SDCCAG8: variants seen among roughly 807,000 people sequenced by gnomAD.
SDCCAG8 encodes the protein serologically defined colon cancer antigen 8.
Under a neutral mutation model 101.8 loss-of-function variants are expected in SDCCAG8, and 74 were observed. The observed-to-expected ratio is 0.73, with a 90% CI of 0.60 to 0.88. SDCCAG8 has a LOEUF of 0.88. SDCCAG8 is among the 40% of genes least tolerant of loss of function. The pLI is 0.00. For synonymous variants in SDCCAG8, 281 were observed against 292.9 expected (o/e 0.96, Z 0.41); for missense variants, 787 against 822.6 (o/e 0.96, Z 0.53).
Position 243,393,455 on chromosome 1 carries a change from A to G in SDCCAG8, c.1616+14592A>G, listed in dbSNP as rs189372894. Reference sequence around the variant, plus strand: ...GTGGTGTGCCCATTGGTCTGAGATAAGACCTTGCAATGTCTTTCCCATCTA... The same window carrying G: ...GTGGTGTGCCCATTGGTCTGAGATAGGACCTTGCAATGTCTTTCCCATCTA... On this transcript the variant is annotated intron_variant, in intron 13 of 17. Transcript: ENST00000366541. Among the ~76,000 whole-genome samples the G allele has an allele frequency of 1.4e-3, 212 of 150,862 alleles. 1 individual carries two copies. The highest frequency in any genetic ancestry group is 4.3e-3 in the Admixed American group (65 of 15,124).
intron 13 of SDCCAG8, among the ~76,000 whole-genome samples, chr1:243,385,111 G>A (rs1394280459): frequency 1.3e-5 from 2 of 151,818 alleles, no homozygotes; most frequent in African/African-American, 2.4e-5. Context: ...TGAGTAGATC[G>A]GGTGTGGTGG....
intron 16 of SDCCAG8, among the ~76,000 whole-genome samples, chr1:243,478,850 C>T (rs187923585): frequency 2.9e-4 from 43 of 150,108 alleles, no homozygotes; most frequent in Admixed American, 7.3e-4. Flanking sequence ...CCCAGCTACT[C>T]GGGAGGCTGA....
chr1:243,473,363 A>C (rs9428963), intron 16 of SDCCAG8, among the ~76,000 whole-genome samples: 7,797 of 151,686 alleles, frequency 0.051, 704 homozygotes, highest in African/African-American at 0.18. Context: ...CCCTCCCCCT[A>C]CCCCTTCTTG....
intron 12 of SDCCAG8, among the ~76,000 whole-genome samples, chr1:243,357,065 AC>A (rs1375687886): frequency 1.3e-5 from 2 of 152,186 alleles, no homozygotes; most frequent in Admixed American, 6.5e-5. Context: ...CTTCTTACCC[AC>A]ATAGCAATGG....
chr1:243,382,183 C>T (rs73118368), intron 13 of SDCCAG8, among the ~76,000 whole-genome samples: 8,645 of 152,176 alleles, frequency 0.057, 830 homozygotes, highest in African/African-American at 0.2. Context: ...TCCGGAGTTT[C>T]GCCCATTCTG....
intron 6 of SDCCAG8, among the ~76,000 whole-genome samples, chr1:243,297,100 C>T (rs981207486): frequency 1.3e-5 from 2 of 152,164 alleles, no homozygotes; most frequent in African/African-American, 4.8e-5. Flanking sequence ...TAAAGCTAAT[C>T]ATGATCCTGA....
intron 16 of SDCCAG8, among the ~76,000 whole-genome samples, chr1:243,451,442 C>T (rs1471695812): frequency 1.3e-5 from 2 of 152,192 alleles, no homozygotes; most frequent in African/African-American, 4.8e-5. Context: ...CTTTCCTTAA[C>T]CCTATAACTT....
chr1:243,447,073 G>A (rs2082963637), intron 16 of SDCCAG8, among the ~76,000 whole-genome samples: 3 of 151,868 alleles, frequency 2.0e-5, no homozygotes, highest in Middle Eastern at 3.4e-3. Context: ...CCAACATGGC[G>A]AACCCCTGTC....
chr1:243,391,619 T>C (rs555444384), intron 13 of SDCCAG8, among the ~76,000 whole-genome samples: 20 of 152,124 alleles, frequency 1.3e-4, no homozygotes, highest in Non-Finnish European at 2.1e-4. Flanking sequence ...GTTTTCAGAA[T>C]ATCAAAGGGA....
chr1:243,477,443 A>G (rs1437208224), intron 16 of SDCCAG8, among the ~76,000 whole-genome samples: 2 of 152,212 alleles, frequency 1.3e-5, no homozygotes, highest in Non-Finnish European at 2.9e-5. Flanking sequence ...AAAGTCTAAG[A>G]TTCATAACGT....
rs993045083 is a variant in SDCCAG8, at chr1:243,497,338, G to A, written c.2113-2418G>A. On this transcript the variant is annotated intron_variant, in intron 17 of 17. Coordinates refer to ENST00000366541, the MANE Select transcript of SDCCAG8 (RefSeq NM_006642.5). The stretch of plus-strand genomic sequence containing the variant: ...GTCAGGCACGGCTGTAGGCACGGGT[G>A]GGGGGGGGGGCGTTGAGCAGTGAAC... Among the ~76,000 whole-genome samples the A allele has an allele frequency of 5.0e-5, 4 of 79,952 alleles. 1 individual carries two copies. Among genetic ancestry groups the A allele is most frequent in the East Asian group, 3.0e-4 (1 of 3,280 alleles). The allele number at this position is 79,952 out of a possible 152,430, so 52.5% of individuals were successfully genotyped here. A position where few individuals can be genotyped will look rare whatever the true frequency, so the allele number is the denominator to read the frequency against.
intron 13 of SDCCAG8, among the ~76,000 whole-genome samples, chr1:243,405,394 A>G (rs1268931192): frequency 6.6e-6 from 1 of 152,234 alleles, no homozygotes; most frequent in South Asian, 2.1e-4. Flanking sequence ...ATAAAGAATT[A>G]TAAGAAGACC....
At chr1:243,324,985 C>T (rs1319238828) in intron 9 of SDCCAG8, among the ~76,000 whole-genome samples, 1 of 152,200 alleles carries the variant, frequency 6.6e-6, no homozygotes, top group Non-Finnish European at 1.5e-5. Flanking sequence ...ACTCAAGTGG[C>T]AGTCTTCCTG....
chr1:243,403,162 T>A (rs2079521644), intron 13 of SDCCAG8, among the ~76,000 whole-genome samples: 2 of 152,128 alleles, frequency 1.3e-5, no homozygotes, highest in South Asian at 4.1e-4. Context: ...CCTGATAATA[T>A]CATTTTATTA....
At chr1:243,407,228 A>G (rs12120901) in intron 13 of SDCCAG8, among the ~76,000 whole-genome samples, 3,816 of 152,304 alleles carry the variant, frequency 0.025, 59 homozygotes, top group Non-Finnish European at 0.039. Flanking sequence ...AGGCAGTGCC[A>G]TGGAATGGAA....
At chr1:243,431,498 A>G (rs749492210) in intron 16 of SDCCAG8, among the ~76,000 whole-genome samples, 5 of 152,174 alleles carry the variant, frequency 3.3e-5, no homozygotes, top group African/African-American at 2.4e-5. Context: ...GATGAGATCA[A>G]GCGTTACGTT....
chr1:243,325,550 A>G (rs977940645), intron 9 of SDCCAG8, among the ~76,000 whole-genome samples: 2 of 151,986 alleles, frequency 1.3e-5, no homozygotes, highest in African/African-American at 4.8e-5. Flanking sequence ...GGAATTATAT[A>G]TTTACATTCT....
intron 9 of SDCCAG8, among the ~76,000 whole-genome samples, chr1:243,323,683 G>A (rs2073935944): frequency 1.3e-5 from 2 of 152,148 alleles, no homozygotes; most frequent in South Asian, 4.1e-4. Context: ...ACTTCTGAGT[G>A]CATCGCAGCC....
intron 17 of SDCCAG8, among the ~76,000 whole-genome samples, chr1:243,493,573 C>G (rs1667090550): frequency 6.6e-6 from 1 of 151,922 alleles, no homozygotes; most frequent in Admixed American, 6.6e-5. Flanking sequence ...CTGCAGTGTT[C>G]AATCTGGGGA....
Sources: gnomAD v4.1 joint callset for allele counts (sites outside exome capture counted in the v4.1 genomes callset) on GRCh38, gnomAD v4.1.1 for gene constraint, MANE v1.5 for transcripts, NCBI Gene and HGNC (gene_info 2026-07-23, HGNC 2026-07-21) for gene names.